Variants in ZFYVE28 observed in about 807,000 individuals in gnomAD.
ZFYVE28 encodes the protein lateral signaling target protein 2 homolog.
In ZFYVE28, 40 loss-of-function variants were observed where a neutral mutation model predicts 82.1. The ratio of observed to expected loss-of-function variants is 0.49; its 90% CI spans 0.38 to 0.63. The LOEUF (loss-of-function observed/expected upper bound fraction) is 0.63, where lower values mean the gene tolerates loss of function less well. Among genes scored for constraint, ZFYVE28 ranks in the 30% least tolerant of loss-of-function variants. ZFYVE28 has a pLI of 0.00. For synonymous variants in ZFYVE28, 612 were observed against 546.1 expected (o/e 1.12, Z -1.68); for missense variants, 1,321 against 1,242.1 (o/e 1.06, Z -0.96).
intron 8 of ZFYVE28, among the ~76,000 whole-genome samples, chr4:2,290,589 C>T (rs984907205): frequency 9.9e-5 from 15 of 152,218 alleles, no homozygotes; most frequent in Non-Finnish European, 1.5e-4. Context: ...GAGCAGGACA[C>T]GACCACACCT....
intron 1 of ZFYVE28, among the ~76,000 whole-genome samples, chr4:2,414,140 G>A (rs1199051482): frequency 6.6e-6 from 1 of 152,224 alleles, no homozygotes; most frequent in Non-Finnish European, 1.5e-5. Flanking sequence ...GGCCACCAAT[G>A]GGCAGCTCTC....
intron 1 of ZFYVE28, among the ~76,000 whole-genome samples, chr4:2,401,711 C>T (rs1731200861): frequency 6.6e-6 from 1 of 152,236 alleles, no homozygotes; most frequent in Non-Finnish European, 1.5e-5. Flanking sequence ...CGCCGCCCCG[C>T]ACCGCAGTCC....
chr4:2,391,688 GTA>G (rs1385087502), intron 1 of ZFYVE28, among the ~76,000 whole-genome samples: 1 of 147,984 alleles, frequency 6.8e-6, no homozygotes, highest in Non-Finnish European at 1.5e-5. Flanking sequence ...TCTCCTTTCT[GTA>G]TCTATAAATT....
chr4:2,319,775 C>T (rs1385343573), intron 7 of ZFYVE28, among the ~76,000 whole-genome samples: 1 of 150,112 alleles, frequency 6.7e-6, no homozygotes, highest in Non-Finnish European at 1.5e-5. Context: ...CACCAAGACT[C>T]CAACAGAAGC....
intron 1 of ZFYVE28, chr4:2,364,762 G>A (rs531094712): frequency 1.0e-6 from 1 of 985,544 alleles, no homozygotes; most frequent in South Asian, 4.7e-5. Context: ...CATTCCCGCC[G>A]CCGCGCCCTC....
chr4:2,343,162 G>C (rs1216577587), intron 2 of ZFYVE28: 1 of 152,116 alleles, frequency 6.6e-6, no homozygotes, highest in African/African-American at 2.4e-5. Flanking sequence ...TGTGGTGCAC[G>C]ATGCTCCGAG....
chr4:2,289,738 C>G (rs192623225), intron 8 of ZFYVE28, among the ~76,000 whole-genome samples: 1 of 152,166 alleles, frequency 6.6e-6, no homozygotes, highest in African/African-American at 2.4e-5. Context: ...CCTGCCCAGA[C>G]GGCAGAGGTG....
chr4:2,385,430 CA>C (rs925259153), intron 1 of ZFYVE28, among the ~76,000 whole-genome samples: 15 of 152,176 alleles, frequency 9.9e-5, no homozygotes, highest in Non-Finnish European at 2.1e-4. Context: ...GCTGCCCTTA[CA>C]GAGCTGCTGT....
At chr4:2,337,715 T>TA (rs1394549936) in intron 4 of ZFYVE28, among the ~76,000 whole-genome samples, 14 of 151,934 alleles carry the variant, frequency 9.2e-5, no homozygotes, top group African/African-American at 3.1e-4. Context: ...CTACAAAAAA[T>TA]AAAAAAGTCG....
chr4:2,405,192 T>C (rs543617829), intron 1 of ZFYVE28, among the ~76,000 whole-genome samples: 5 of 152,364 alleles, frequency 3.3e-5, no homozygotes, highest in African/African-American at 1.2e-4. Context: ...AAAGCGGTGC[T>C]GGGCCTGGGG....
intron 8 of ZFYVE28, among the ~76,000 whole-genome samples, chr4:2,289,538 C>G (rs971791082): frequency 6.6e-6 from 1 of 152,242 alleles, no homozygotes; most frequent in Middle Eastern, 3.4e-3. Flanking sequence ...GGCCAGCCCT[C>G]TGGAGGGTCA....
At chr4:2,333,091 C>T (rs1055060509) in intron 6 of ZFYVE28, among the ~76,000 whole-genome samples, 10 of 151,954 alleles carry the variant, frequency 6.6e-5, no homozygotes, top group Non-Finnish European at 1.3e-4. Context: ...CCGAGGGGAC[C>T]CCACGCCAGT....
At chr4:2,321,094 C>G (rs1338994891) in intron 6 of ZFYVE28, among the ~76,000 whole-genome samples, 1 of 152,114 alleles carries the variant, frequency 6.6e-6, no homozygotes, top group East Asian at 1.9e-4. Flanking sequence ...CCTCCTGGGT[C>G]TCTTGGGACC....
rs147521632 is a variant in ZFYVE28, at chr4:2,336,915, AAGTGAGGAGGTG to A, written c.611+480_611+491del. 2.3e-3 allele frequency among the ~76,000 whole-genome samples: 73 copies of A among 31,834 alleles called. 1 individual carries two copies. The South Asian group carries it at 0.028, about 12-fold the overall frequency. The allele number at this position is 31,834 out of a possible 152,430, so 20.9% of individuals were successfully genotyped here. A position where few individuals can be genotyped will look rare whatever the true frequency, so the allele number is the denominator to read the frequency against. The stretch of plus-strand genomic sequence containing the variant: ...TGAGGTGAGGAGTTAGGAGGTGGGG[AAGTGAGGAGGTG>A]AGTGAGGAGGTGAGGAGTGAGGGGG... On this transcript the variant is annotated intron_variant, in intron 5 of 12. Transcript: ENST00000290974.
chr4:2,341,622 CAG>C lies in ZFYVE28; in HGVS notation c.181-9_181-8del. ...TGATGTTCAACACATTGTCCTGAAA[CAG>C]AAGACAGGAGAAAGTGCGCCAATCG... On this transcript the variant is annotated splice_polypyrimidine_tract_variant and splice_region_variant and intron_variant, in intron 2 of 12. Coordinates refer to ENST00000290974, the MANE Select transcript of ZFYVE28 (RefSeq NM_020972.3). The surrounding 1 kb of genome is among the most constrained non-coding windows in gnomAD (Gnocchi z 4.5). The C allele has an allele frequency of 2.5e-6, 4 of 1,600,996 alleles. No individual in the cohort carries two copies. The highest frequency in any genetic ancestry group is 2.2e-5 in the East Asian group (1 of 44,476).
intron 1 of ZFYVE28, among the ~76,000 whole-genome samples, chr4:2,389,526 A>T (rs922639160): frequency 6.6e-6 from 1 of 152,156 alleles, no homozygotes; most frequent in South Asian, 2.1e-4. Flanking sequence ...GCTACACCCA[A>T]GGGACACATG....
intron 6 of ZFYVE28, among the ~76,000 whole-genome samples, chr4:2,334,782 CCTCTT>C (rs1721353559): frequency 3.7e-5 from 1 of 27,032 alleles, no homozygotes; most frequent in African/African-American, 4.2e-4. Context: ...TTCCGCCTCC[CCTCTT>C]CCCCCTCCCC....
rs1280834457 is a variant in ZFYVE28 at position 2,287,169 on chromosome 4, C to G, written c.2052-12953G>C. 2.0e-5 allele frequency: 3 copies of G among 152,392 alleles called. No individual in the cohort carries two copies. In the East Asian group the frequency reaches 5.8e-4, roughly 29 times the overall value. 9.4% of individuals were successfully genotyped at this position (152,392 alleles called of 1,614,324 possible). On this transcript the variant is annotated intron_variant, in intron 8 of 12. Coordinates refer to ENST00000290974, the MANE Select transcript of ZFYVE28 (RefSeq NM_020972.3). ...GCCTGCCTCCAGAACTGTAAACCAG[C>G]AAATCCCCACGGTTTTAAGCCTCCC... is the stretch of plus-strand genomic sequence containing the variant.
At chr4:2,355,280 T>C in intron 1 of ZFYVE28, among the ~76,000 whole-genome samples, 1 of 83,394 alleles carries the variant, frequency 1.2e-5, no homozygotes, top group Non-Finnish European at 2.4e-5. Context: ...ATAATGATTC[T>C]TCTTTTTTTT....
Sources: allele counts gnomAD v4.1 joint callset (sites outside exome capture counted in the v4.1 genomes callset), GRCh38; gene constraint gnomAD v4.1.1; non-coding constraint Gnocchi (gnomAD v3.1); transcripts MANE v1.5; gene names NCBI Gene and HGNC (gene_info 2026-07-23, HGNC 2026-07-21).